Variants in SUGCT observed in about 807,000 individuals in gnomAD.
The protein encoded by SUGCT is succinyl-CoA:glutarate-CoA transferase, also known as succinyl-CoA:glutarate CoA-transferase.
A neutral mutation model predicts 55.0 loss-of-function variants in SUGCT; 41 were observed. The observed-to-expected ratio is 0.74, with a 90% CI of 0.58 to 0.97. SUGCT has a LOEUF of 0.97. SUGCT is among the 50% of genes least tolerant of loss of function. The probability of loss-of-function intolerance (pLI) is 0.00; values close to 1 mark genes in which losing one functional copy is unlikely to be tolerated. For missense variants in SUGCT, 568 were observed against 547.8 expected (o/e 1.04, Z -0.37); for synonymous variants, 187 against 200.4 (o/e 0.93, Z 0.56).
intron 12 of SUGCT, among the ~76,000 whole-genome samples, chr7:40,576,111 C>G (rs1358866333): frequency 6.6e-6 from 1 of 152,100 alleles, no homozygotes; most frequent in East Asian, 1.9e-4. Context: ...AAAAGGCAGG[C>G]CCTTTCATTT....
chr7:40,256,684 A>G (rs1041985281), intron 7 of SUGCT, among the ~76,000 whole-genome samples: 1 of 152,190 alleles, frequency 6.6e-6, no homozygotes, highest in African/African-American at 2.4e-5. Flanking sequence ...ATTTGTTGGC[A>G]TCTTTCTAAA....
intron 12 of SUGCT, among the ~76,000 whole-genome samples, chr7:40,665,569 C>A (rs1037659893): frequency 2.0e-5 from 3 of 152,000 alleles, no homozygotes; most frequent in African/African-American, 7.2e-5. Flanking sequence ...AGGCAGTTTT[C>A]AAGGGTGGTG....
chr7:40,918,341 A>G, the SUGCT span, among the ~76,000 whole-genome samples: 5 of 151,840 alleles, frequency 3.3e-5, no homozygotes, highest in African/African-American at 9.7e-5. Context: ...TGTGCTTGTA[A>G]TCCCAGCTAC....
chr7:40,653,365 AG>A, intron 12 of SUGCT, among the ~76,000 whole-genome samples: 1 of 152,358 alleles, frequency 6.6e-6, no homozygotes, highest in Admixed American at 6.5e-5. Flanking sequence ...TTATCTCTTA[AG>A]GACTTAATAC....
chr7:40,593,481 A>T (rs1175532739), intron 12 of SUGCT, among the ~76,000 whole-genome samples: 1 of 152,204 alleles, frequency 6.6e-6, no homozygotes, highest in Non-Finnish European at 1.5e-5. Context: ...TTCATGAATA[A>T]GAAAGTTTGA....
chr7:40,978,761 T>C, the SUGCT span, among the ~76,000 whole-genome samples: 1 of 152,076 alleles, frequency 6.6e-6, no homozygotes, highest in Non-Finnish European at 1.5e-5. Flanking sequence ...ACTGACATGT[T>C]CCAGGAACCA....
At chr7:40,765,646 CTTTATCT>C (rs1788749251) in intron 13 of SUGCT, among the ~76,000 whole-genome samples, 1 of 152,076 alleles carries the variant, frequency 6.6e-6, no homozygotes, top group Non-Finnish European at 1.5e-5. Flanking sequence ...TTATGTTCTT[CTTTATCT>C]TTTAAGTTTC....
chr7:40,727,792 G>A (rs1786682472), intron 12 of SUGCT, among the ~76,000 whole-genome samples: 1 of 152,124 alleles, frequency 6.6e-6, no homozygotes, highest in Non-Finnish European at 1.5e-5. Flanking sequence ...AGAAAGAAGT[G>A]TTAATTTCCT....
chr7:40,893,505 T>C, the SUGCT span, among the ~76,000 whole-genome samples: 6 of 152,154 alleles, frequency 3.9e-5, no homozygotes, highest in Non-Finnish European at 7.3e-5. Flanking sequence ...CTGACCACGA[T>C]TGTATCAAAC....
chr7:40,605,888 TGA>T (rs1467023863), intron 12 of SUGCT, among the ~76,000 whole-genome samples: 2 of 152,148 alleles, frequency 1.3e-5, no homozygotes, highest in Non-Finnish European at 2.9e-5. Flanking sequence ...CAGGGCCTTT[TGA>T]GAGGCTGGAG....
intron 13 of SUGCT, among the ~76,000 whole-genome samples, chr7:40,755,328 C>G (rs992112804): frequency 6.6e-6 from 1 of 152,078 alleles, no homozygotes; most frequent in Non-Finnish European, 1.5e-5. Flanking sequence ...CTTACAGTGT[C>G]CTAAATTTTA....
rs1797188842 is a variant in SUGCT at position 40,583,066 on chromosome 7, GC to G, written c.1089+86682del. 3.3e-5 allele frequency among the ~76,000 whole-genome samples: 5 copies of G among 152,172 alleles called. 1 individual carries two copies. The South Asian group carries it at 1.0e-3, about 32-fold the overall frequency. On this transcript the variant is annotated intron_variant, in intron 12 of 13. Transcript: ENST00000335693. ...ACAAAAACTAGCAGCTCAATAATTTGCCTTGCAACACAGTACCCTTAAATAA... is the reference window on the plus strand; with the variant it reads ...ACAAAAACTAGCAGCTCAATAATTTGCTTGCAACACAGTACCCTTAAATAA...
intron 12 of SUGCT, among the ~76,000 whole-genome samples, chr7:40,668,675 T>C (rs538360191): frequency 1.3e-5 from 2 of 152,340 alleles, no homozygotes; most frequent in South Asian, 4.1e-4. Context: ...TCAGTTCTTT[T>C]GGACTTATAT....
chr7:40,721,889 A>G (rs987139145), intron 12 of SUGCT, among the ~76,000 whole-genome samples: 10 of 152,198 alleles, frequency 6.6e-5, no homozygotes, highest in African/African-American at 1.9e-4. Flanking sequence ...ATGATTCCCA[A>G]TGAGACTTTT....
chr7:40,148,119 A>T (rs950799350), intron 1 of SUGCT, among the ~76,000 whole-genome samples: 1 of 151,250 alleles, frequency 6.6e-6, no homozygotes, highest in Non-Finnish European at 1.5e-5. Context: ...TGGTTATGAG[A>T]GAGCAGGAAA....
At chr7:40,958,684 C>T in the SUGCT span, among the ~76,000 whole-genome samples, 6 of 152,154 alleles carry the variant, frequency 3.9e-5, no homozygotes, top group Non-Finnish European at 5.9e-5. Context: ...AACTCATTCT[C>T]TGTCCAGTTT....
intron 12 of SUGCT, among the ~76,000 whole-genome samples, chr7:40,585,113 G>A (rs1198805201): frequency 4.6e-5 from 7 of 152,150 alleles, no homozygotes; most frequent in Admixed American, 3.9e-4. Context: ...GATTCTAATG[G>A]TAAGGGACTG....
intron 1 of SUGCT, among the ~76,000 whole-genome samples, chr7:40,147,925 T>C (rs368198064): frequency 2.0e-5 from 3 of 152,358 alleles, no homozygotes; most frequent in African/African-American, 4.8e-5. Flanking sequence ...GGCATGCCCT[T>C]ACAGTTGGAG....
At chr7:40,405,231 C>G (rs1786293275) in intron 9 of SUGCT, among the ~76,000 whole-genome samples, 1 of 152,140 alleles carries the variant, frequency 6.6e-6, no homozygotes, top group Non-Finnish European at 1.5e-5. Context: ...GAGACCCAAT[C>G]ACATGTATAC....
Sources: gnomAD v4.1 joint callset for allele counts (sites outside exome capture counted in the v4.1 genomes callset) on GRCh38, gnomAD v4.1.1 for gene constraint, MANE v1.5 for transcripts, NCBI Gene and HGNC (gene_info 2026-07-23, HGNC 2026-07-21) for gene names.